RSRC1: variants seen among roughly 807,000 people sequenced by gnomAD.
RSRC1 encodes serine/Arginine-related protein 53.
A neutral mutation model predicts 49.1 loss-of-function variants in RSRC1; 39 were observed. That is an observed-to-expected ratio of 0.79 (90% CI 0.61 to 1.04). RSRC1 has a LOEUF of 1.04. Among genes scored for constraint, RSRC1 ranks in the 50% least tolerant of loss-of-function variants. RSRC1 has a pLI of 0.00. For missense variants in RSRC1, 388 were observed against 402.4 expected, an observed-to-expected ratio of 0.96 and a Z score of 0.31; for synonymous variants, 143 against 130.8, an observed-to-expected ratio of 1.09 and a Z score of -0.63.
intron 6 of RSRC1, among the ~76,000 whole-genome samples, chr3:158,397,003 G>C (rs1366365101): frequency 6.6e-6 from 1 of 152,048 alleles, no homozygotes; most frequent in African/African-American, 2.4e-5. Flanking sequence ...GTGGATCAGT[G>C]ATGCTCATTA....
At chr3:158,255,664 C>A (rs2108022698) in intron 4 of RSRC1, among the ~76,000 whole-genome samples, 1 of 151,992 alleles carries the variant, frequency 6.6e-6, no homozygotes, top group Middle Eastern at 3.4e-3. Context: ...GCAGTATGGC[C>A]ATTTTGATTC....
At chr3:158,248,025 G>A (rs1339962440) in intron 4 of RSRC1, among the ~76,000 whole-genome samples, 3 of 152,202 alleles carry the variant, frequency 2.0e-5, no homozygotes, top group African/African-American at 7.2e-5. Flanking sequence ...GGATATTTCA[G>A]TTGAAGGTGC....
chr3:158,490,288 G>A (rs1393033852), intron 7 of RSRC1, among the ~76,000 whole-genome samples: 6 of 152,150 alleles, frequency 3.9e-5, no homozygotes, highest in East Asian at 1.9e-4. Context: ...GTTTCACCAC[G>A]TTAGCCAGGA....
intron 4 of RSRC1, among the ~76,000 whole-genome samples, chr3:158,293,846 A>G (rs764445153): frequency 2.0e-4 from 30 of 152,024 alleles, no homozygotes; most frequent in Non-Finnish European, 3.4e-4. Flanking sequence ...GAGAGTTGTT[A>G]TTACTCCATT....
At chr3:158,447,473 A>G (rs923305437) in intron 6 of RSRC1, among the ~76,000 whole-genome samples, 9 of 151,980 alleles carry the variant, frequency 5.9e-5, no homozygotes, top group African/African-American at 2.2e-4. Context: ...TAGAAACACT[A>G]GTAGAATTAG....
At chr3:158,507,388 A>G (rs1217886358) in intron 7 of RSRC1, among the ~76,000 whole-genome samples, 3 of 152,176 alleles carry the variant, frequency 2.0e-5, no homozygotes, top group African/African-American at 7.2e-5. Context: ...GAAGAATTCT[A>G]ATGTTCCCAA....
In RSRC1 at chr3:158,240,083, A is replaced by G. The variant is rs1484152238; in HGVS notation, c.494+36838A>G. Among the ~76,000 whole-genome samples the G allele has an allele frequency of 2.0e-5, 3 of 152,166 alleles. No individual in the cohort carries two copies. In the East Asian group the frequency reaches 5.8e-4, roughly 29 times the overall value. ...CATAGGCATACTATAGTCTTCATTT[A>G]TTTATGAGTTTTAAAATATCTTTAT... On this transcript the variant is annotated intron_variant, in intron 4 of 9. Transcript: ENST00000611884.
intron 3 of RSRC1, among the ~76,000 whole-genome samples, chr3:158,180,994 C>T (rs189220425): frequency 1.1e-3 from 173 of 151,298 alleles, no homozygotes; most frequent in Non-Finnish European, 1.3e-3. Flanking sequence ...TTAGTAGAGA[C>T]GGAGTTTCAC....
rs2049111 is a variant in RSRC1 at position 158,305,105 on chromosome 3, A to G, written c.531+7030A>G. ...AAATTGCTTCTGTAATAAATGATTA[A>G]TATTGTCCAGTCATTCAAATAGCAT... is the stretch of plus-strand genomic sequence containing the variant. On this transcript the variant is annotated intron_variant, in intron 5 of 9. Coordinates refer to ENST00000611884, the MANE Select transcript of RSRC1 (RefSeq NM_001271838.2). Among the ~76,000 whole-genome samples, 50 of 152,182 alleles carry G rather than the reference A, an allele frequency of 3.3e-4. No homozygotes were observed. The South Asian group carries it at 0.01, about 31-fold the overall frequency.
intron 3 of RSRC1, among the ~76,000 whole-genome samples, chr3:158,131,486 T>C (rs62288316): frequency 0.015 from 2,337 of 152,298 alleles, 35 homozygotes; most frequent in Non-Finnish European, 0.02. Context: ...ATTGAAATAA[T>C]GTGGATATGT....
intron 3 of RSRC1, among the ~76,000 whole-genome samples, chr3:158,136,390 T>TA (rs1230132574): frequency 1.3e-5 from 2 of 152,222 alleles, no homozygotes; most frequent in East Asian, 3.8e-4. Context: ...ACTGAACAAT[T>TA]ACATTGATGC....
chr3:158,527,992 G>GTA (rs1326685389), intron 7 of RSRC1, among the ~76,000 whole-genome samples: 3 of 151,690 alleles, frequency 2.0e-5, no homozygotes, highest in South Asian at 2.1e-4. Context: ...TGTGGTATGT[G>GTA]TATATATATG....
intron 6 of RSRC1, among the ~76,000 whole-genome samples, chr3:158,383,063 A>C (rs1389381618): frequency 1.3e-5 from 2 of 152,194 alleles, no homozygotes; most frequent in Non-Finnish European, 2.9e-5. Flanking sequence ...AATTTGACCT[A>C]CTAATTTCTG....
intron 7 of RSRC1, chr3:158,496,741 G>T (rs73020715): frequency 0.16 from 46,383 of 285,806 alleles, 4,809 homozygotes; most frequent in African/African-American, 0.34. Flanking sequence ...CATGTTGGTG[G>T]TGGCCCTTTG....
At chr3:158,189,144 A>G (rs1720085318) in intron 3 of RSRC1, among the ~76,000 whole-genome samples, 1 of 151,796 alleles carries the variant, frequency 6.6e-6, no homozygotes, top group African/African-American at 2.4e-5. Context: ...TCTTCTGTTT[A>G]TTATTTTCTT....
chr3:158,446,429 G>C (rs1287435530), intron 6 of RSRC1, among the ~76,000 whole-genome samples: 1 of 151,148 alleles, frequency 6.6e-6, no homozygotes, highest in South Asian at 2.1e-4. Flanking sequence ...TAAAGGTCTT[G>C]TTATCATCAA....
chr3:158,530,151 C>G (rs1232827940), intron 7 of RSRC1, among the ~76,000 whole-genome samples: 1 of 151,998 alleles, frequency 6.6e-6, no homozygotes, highest in East Asian at 1.9e-4. Flanking sequence ...ATAAACCATA[C>G]TGTCAGAAAT....
intron 7 of RSRC1, among the ~76,000 whole-genome samples, chr3:158,507,567 A>G (rs570119631): frequency 2.6e-5 from 4 of 152,278 alleles, no homozygotes; most frequent in African/African-American, 9.6e-5. Context: ...TTTATAGGTG[A>G]TATTATAAAT....
intron 6 of RSRC1, among the ~76,000 whole-genome samples, chr3:158,446,746 A>G (rs1160826667): frequency 2.0e-5 from 3 of 152,006 alleles, no homozygotes; most frequent in Admixed American, 6.6e-5. Context: ...TTAAGCTGCC[A>G]TTACTATTGC....
Sources: gnomAD v4.1 joint callset for allele counts (sites outside exome capture counted in the v4.1 genomes callset) on GRCh38, gnomAD v4.1.1 for gene constraint, MANE v1.5 for transcripts, NCBI Gene and HGNC (gene_info 2026-07-23, HGNC 2026-07-21) for gene names.